Variants in RAD51B observed in about 807,000 individuals in gnomAD.
RAD51B encodes the protein DNA repair protein RAD51 homolog 2.
Under a neutral mutation model 42.2 loss-of-function variants are expected in RAD51B, and 38 were observed. That is an observed-to-expected ratio of 0.90 (90% CI 0.70 to 1.18). The LOEUF is 1.18. Ranked by LOEUF, RAD51B falls within the 50% of genes most tolerant of loss-of-function variation. The pLI is 0.00. For synonymous variants in RAD51B, 154 were observed against 145.2 expected, an observed-to-expected ratio of 1.06 and a Z score of -0.43; for missense variants, 373 against 400.7, an observed-to-expected ratio of 0.93 and a Z score of 0.59.
intron 4 of RAD51B, among the ~76,000 whole-genome samples, chr14:67,863,466 C>T (rs866638608): frequency 2.0e-5 from 3 of 152,152 alleles, no homozygotes; most frequent in Admixed American, 6.5e-5. Context: ...TTCTGATGCT[C>T]ACTCAAATCT....
At chr14:68,535,781 C>G (rs1887581247) in intron 10 of RAD51B, among the ~76,000 whole-genome samples, 1 of 152,162 alleles carries the variant, frequency 6.6e-6, no homozygotes, top group Non-Finnish European at 1.5e-5. Flanking sequence ...ACCACTATTT[C>G]TGTGTGAAGC....
At chr14:68,535,470 A>C (rs971470200) in intron 10 of RAD51B, among the ~76,000 whole-genome samples, 2 of 141,066 alleles carry the variant, frequency 1.4e-5, no homozygotes, top group Non-Finnish European at 3.0e-5. Context: ...CAAACCTGCC[A>C]CTCTTTTCCA....
chr14:68,268,355 G>A (rs953106865), intron 7 of RAD51B, among the ~76,000 whole-genome samples: 10 of 152,154 alleles, frequency 6.6e-5, no homozygotes, highest in Non-Finnish European at 1.3e-4. Flanking sequence ...TCACCAGCAC[G>A]TCACTCTCAC....
intron 11 of RAD51B, among the ~76,000 whole-genome samples, chr14:68,657,348 A>C (rs948850497): frequency 1.3e-5 from 2 of 152,182 alleles, no homozygotes; most frequent in Admixed American, 6.5e-5. Context: ...CCCGTCATTT[A>C]ACAAAATTTT....
chr14:68,019,765 A>T (rs1489571735), intron 7 of RAD51B, among the ~76,000 whole-genome samples: 2 of 152,182 alleles, frequency 1.3e-5, no homozygotes, highest in African/African-American at 4.8e-5. Flanking sequence ...AAAAAGAGAC[A>T]TCTATCTTAT....
At chr14:68,560,421 G>T (rs773888285) in intron 10 of RAD51B, among the ~76,000 whole-genome samples, 13 of 152,110 alleles carry the variant, frequency 8.5e-5, no homozygotes, top group Non-Finnish European at 1.8e-4. Flanking sequence ...GGGGGCTGCT[G>T]CTCCCCTAAA....
chr14:68,283,404 A>T (rs1202956900), intron 7 of RAD51B, among the ~76,000 whole-genome samples: 2 of 152,184 alleles, frequency 1.3e-5, no homozygotes, highest in Non-Finnish European at 2.9e-5. Flanking sequence ...TTCCACATCC[A>T]TGTGAACCTC....
intron 9 of RAD51B, among the ~76,000 whole-genome samples, chr14:68,449,225 A>G (rs1411538968): frequency 6.6e-6 from 1 of 152,238 alleles, no homozygotes; most frequent in African/African-American, 2.4e-5. Context: ...TTAAAAAACA[A>G]CAAAACTTTG....
intron 11 of RAD51B, among the ~76,000 whole-genome samples, chr14:68,662,328 C>A (rs1458346590): frequency 1.3e-5 from 2 of 152,210 alleles, no homozygotes; most frequent in Non-Finnish European, 2.9e-5. Flanking sequence ...GTACATTAAT[C>A]CTATTATATT....
At chr14:68,170,872 A>G (rs1476002843) in intron 7 of RAD51B, among the ~76,000 whole-genome samples, 1 of 152,232 alleles carries the variant, frequency 6.6e-6, no homozygotes, top group Non-Finnish European at 1.5e-5. Context: ...TGAACATAAA[A>G]TGTTGATGAA....
intron 11 of RAD51B, among the ~76,000 whole-genome samples, chr14:68,661,459 C>G (rs1007657591): frequency 2.0e-5 from 3 of 152,036 alleles, no homozygotes; most frequent in African/African-American, 7.2e-5. Context: ...AGAAGTGGCC[C>G]GGGGGAAATT....
chr14:68,121,469 T>C (rs2077650854), intron 7 of RAD51B, among the ~76,000 whole-genome samples: 1 of 152,162 alleles, frequency 6.6e-6, no homozygotes. Flanking sequence ...TCAAGTGATC[T>C]AAGGATCCAC....
chr14:68,062,217 A>T (rs1175873146), intron 7 of RAD51B, among the ~76,000 whole-genome samples: 1 of 152,104 alleles, frequency 6.6e-6, no homozygotes, highest in Non-Finnish European at 1.5e-5. Context: ...CATATGTTGA[A>T]CCATTCTTGC....
chr14:68,472,511 C>T (rs1399037730), intron 10 of RAD51B, among the ~76,000 whole-genome samples: 1 of 152,162 alleles, frequency 6.6e-6, no homozygotes, highest in Non-Finnish European at 1.5e-5. Flanking sequence ...CACAGCCTCC[C>T]CGTTACTCCT....
At chr14:68,251,087 T>G (rs2080620090) in intron 7 of RAD51B, among the ~76,000 whole-genome samples, 1 of 152,192 alleles carries the variant, frequency 6.6e-6, no homozygotes, top group African/African-American at 2.4e-5. Context: ...TTTGACTAGT[T>G]GTCAAGGCCC....
chr14:68,032,278 CTCTTG>C (rs1033443217), intron 7 of RAD51B, among the ~76,000 whole-genome samples: 6 of 152,226 alleles, frequency 3.9e-5, no homozygotes, highest in African/African-American at 7.2e-5. Context: ...TATTAAGAGT[CTCTTG>C]TCTTAAGAAA....
intron 10 of RAD51B, 139 bp downstream of exon 10, chr14:68,468,389 A>G (rs2140233811): frequency 1.1e-6 from 1 of 948,022 alleles, no homozygotes; most frequent in Non-Finnish European, 1.7e-6. Context: ...AGTGATATTT[A>G]CCCTAGTGAG....
At chr14:68,397,969 G>A (rs117930276) in intron 8 of RAD51B, among the ~76,000 whole-genome samples, 2,831 of 152,292 alleles carry the variant, frequency 0.019, 41 homozygotes, top group Non-Finnish European at 0.032. Flanking sequence ...TCCCTCCCAC[G>A]CAGGAACATA....
At chr14:68,556,472 C>T (rs1888851892) in intron 10 of RAD51B, among the ~76,000 whole-genome samples, 1 of 152,192 alleles carries the variant, frequency 6.6e-6, no homozygotes, top group African/African-American at 2.4e-5. Flanking sequence ...CCAGGCTACC[C>T]AGAGGACAAG....
Sources: gnomAD v4.1 joint callset for allele counts (sites outside exome capture counted in the v4.1 genomes callset) on GRCh38, gnomAD v4.1.1 for gene constraint, MANE v1.5 for transcripts, NCBI Gene and HGNC (gene_info 2026-07-23, HGNC 2026-07-21) for gene names.